Variants in STXBP5L observed in about 807,000 individuals in gnomAD.
STXBP5L encodes the protein syntaxin binding protein 5L.
A neutral mutation model predicts 144.5 loss-of-function variants in STXBP5L; 65 were observed. That is an observed-to-expected ratio of 0.45 (90% confidence interval 0.37 to 0.55). The LOEUF (loss-of-function observed/expected upper bound fraction) is 0.55, where lower values mean the gene tolerates loss of function less well. Among genes scored for constraint, STXBP5L ranks in the 20% least tolerant of loss-of-function variants. The probability of loss-of-function intolerance (pLI) is 0.00; values close to 1 mark genes in which losing one functional copy is unlikely to be tolerated. For synonymous variants in STXBP5L, 505 were observed against 469.6 expected (o/e 1.08, Z -0.97); for missense variants, 1,298 against 1,405.5 (o/e 0.92, Z 1.22).
chr3:120,971,707 AATAC>A (rs1225319432), intron 3 of STXBP5L, among the ~76,000 whole-genome samples: 3 of 151,594 alleles, frequency 2.0e-5, no homozygotes, highest in Non-Finnish European at 4.4e-5. Flanking sequence ...ACCATGGAAT[AATAC>A]ATATATGTAC....
Position 121,247,458 on chromosome 3 carries a change from C to G in STXBP5L, c.1401-3265C>G, listed in dbSNP as rs772961563. Among the ~76,000 whole-genome samples the G allele has an allele frequency of 2.6e-4, 39 of 152,242 alleles. 1 individual carries two copies. Among genetic ancestry groups the G allele is most frequent in the South Asian group, 1.5e-3 (7 of 4,824 alleles). On this transcript the variant is annotated intron_variant, in intron 14 of 26. Coordinates refer to ENST00000471454, the MANE Select transcript of STXBP5L (RefSeq NM_001308330.2). Reference sequence around the variant, plus strand: ...AATACCCAATAGGTAGTTTTCAATCCAAATCCCTCGCCTTCTCTCCCCACT... The same window carrying G: ...AATACCCAATAGGTAGTTTTCAATCGAAATCCCTCGCCTTCTCTCCCCACT...
At chr3:121,001,234 T>G (rs1943750113) in intron 3 of STXBP5L, among the ~76,000 whole-genome samples, 1 of 152,186 alleles carries the variant, frequency 6.6e-6, no homozygotes, top group Admixed American at 6.5e-5. Flanking sequence ...AAAAACTCTC[T>G]TACAGTTAGG....
intron 20 of STXBP5L, among the ~76,000 whole-genome samples, chr3:121,327,783 C>T (rs1180776156): frequency 6.6e-6 from 1 of 152,084 alleles, no homozygotes. Context: ...GTTAAAGTAA[C>T]AAAAATTTCC....
chr3:121,206,031 A>AT, intron 10 of STXBP5L, 30 bp downstream of exon 10: 1 of 1,354,492 alleles, frequency 7.4e-7, no homozygotes. Flanking sequence ...GGAAAGAGGG[A>AT]TACGAAGCAG....
At chr3:120,965,716 C>T (rs1386639295) in intron 3 of STXBP5L, among the ~76,000 whole-genome samples, 1 of 152,082 alleles carries the variant, frequency 6.6e-6, no homozygotes, top group East Asian at 1.9e-4. Flanking sequence ...ACATTTTTTC[C>T]TTCATTTCAA....
At chr3:121,094,604 T>A (rs1014373163) in intron 5 of STXBP5L, among the ~76,000 whole-genome samples, 9 of 152,096 alleles carry the variant, frequency 5.9e-5, no homozygotes, top group African/African-American at 2.2e-4. Flanking sequence ...CCCCTGCCTT[T>A]TTTTGTTTTC....
intron 24 of STXBP5L, among the ~76,000 whole-genome samples, chr3:121,413,931 C>A (rs988129432): frequency 6.6e-6 from 1 of 152,104 alleles, no homozygotes; most frequent in Non-Finnish European, 1.5e-5. Context: ...GGGTTAAGAG[C>A]ATAAGCTCTG....
At chr3:121,191,582 C>T (rs939135074) in intron 9 of STXBP5L, among the ~76,000 whole-genome samples, 5 of 151,194 alleles carry the variant, frequency 3.3e-5, no homozygotes, top group African/African-American at 4.9e-5. Flanking sequence ...GTTTTTTTTT[C>T]CAATTCTGTG....
In STXBP5L at chr3:120,963,940, C is replaced by A. The variant is rs528415410; in HGVS notation, c.287+8903C>A. ...GTTGGTAGGCTATTAATTATTGCCT[C>A]AATTTCAGATCCTGTTATTGGTCTA... On this transcript the variant is annotated intron_variant, in intron 3 of 26. Transcript: ENST00000471454. Among the ~76,000 whole-genome samples, 497 of 152,288 alleles carry A rather than the reference C, an allele frequency of 3.3e-3. 3 individuals carry two copies. The highest frequency in any genetic ancestry group is 5.6e-3 in the Non-Finnish European group (381 of 68,024).
At chr3:121,096,697 G>A (rs1422943872) in intron 5 of STXBP5L, among the ~76,000 whole-genome samples, 2 of 151,956 alleles carry the variant, frequency 1.3e-5, no homozygotes, top group Non-Finnish European at 2.9e-5. Flanking sequence ...AAAAAAAAAA[G>A]CCTGTTTTTT....
chr3:121,373,779 C>T (rs2108666412), intron 20 of STXBP5L, among the ~76,000 whole-genome samples: 1 of 152,280 alleles, frequency 6.6e-6, no homozygotes, highest in Admixed American at 6.5e-5. Flanking sequence ...ACTACTGGCA[C>T]CCATGCATGC....
chr3:121,119,464 A>G (rs955533166), intron 6 of STXBP5L, among the ~76,000 whole-genome samples: 1 of 151,460 alleles, frequency 6.6e-6, no homozygotes, highest in Non-Finnish European at 1.5e-5. Flanking sequence ...AAAAGCCCAT[A>G]ATGGAAACTA....
At chr3:121,354,029 G>T (rs894217550) in intron 20 of STXBP5L, among the ~76,000 whole-genome samples, 4 of 152,178 alleles carry the variant, frequency 2.6e-5, no homozygotes, top group African/African-American at 9.7e-5. Flanking sequence ...TAATTTGATT[G>T]CACTGTGGTC....
At chr3:121,216,212 T>C (rs2048770567) in intron 10 of STXBP5L, among the ~76,000 whole-genome samples, 1 of 152,230 alleles carries the variant, frequency 6.6e-6, no homozygotes, top group Admixed American at 6.5e-5. Context: ...AAACTCATTC[T>C]CCATCCAGTT....
chr3:121,044,931 A>G (rs901189499), intron 4 of STXBP5L, among the ~76,000 whole-genome samples: 1 of 152,170 alleles, frequency 6.6e-6, no homozygotes, highest in African/African-American at 2.4e-5. Context: ...TTCTTGGACT[A>G]TAAGAAGCAA....
At chr3:121,213,179 C>T (rs563619319) in intron 10 of STXBP5L, among the ~76,000 whole-genome samples, 1 of 152,100 alleles carries the variant, frequency 6.6e-6, no homozygotes, top group Non-Finnish European at 1.5e-5. Context: ...GAATTCCTCC[C>T]TTTCTATTTG....
chr3:121,416,079 G>A (rs142012840), intron 25 of STXBP5L, 111 bp downstream of exon 25: 28 of 764,414 alleles, frequency 3.7e-5, no homozygotes, highest in African/African-American at 2.3e-4. Context: ...TCTAGACTAC[G>A]TATTTTTTGC....
intron 10 of STXBP5L, among the ~76,000 whole-genome samples, chr3:121,212,089 C>T (rs539769210): frequency 8.6e-5 from 13 of 151,960 alleles, no homozygotes; most frequent in East Asian, 7.7e-4. Context: ...AATTTGCTTA[C>T]GTTCCTTGTA....
At chr3:120,992,297 G>T (rs1942976996) in intron 3 of STXBP5L, among the ~76,000 whole-genome samples, 1 of 151,906 alleles carries the variant, frequency 6.6e-6, no homozygotes, top group Non-Finnish European at 1.5e-5. Context: ...TATATATGTT[G>T]GGAACATTTT....
Sources: gnomAD v4.1 joint callset for allele counts (sites outside exome capture counted in the v4.1 genomes callset) on GRCh38, gnomAD v4.1.1 for gene constraint, MANE v1.5 for transcripts, NCBI Gene and HGNC (gene_info 2026-07-23, HGNC 2026-07-21) for gene names.